CDH23: variants seen among roughly 807,000 people sequenced by gnomAD.
CDH23 encodes cadherin-23.
CDH23 carries 189 observed loss-of-function variants against 317.1 expected under a neutral mutation model. The ratio of observed to expected loss-of-function variants is 0.60; its 90% CI spans 0.53 to 0.67. The LOEUF (loss-of-function observed/expected upper bound fraction) is 0.67. Among genes scored for constraint, CDH23 ranks in the 30% least tolerant of loss-of-function variants. The probability of loss-of-function intolerance (pLI) is 0.00; values close to 1 mark genes in which losing one functional copy is unlikely to be tolerated. For synonymous variants in CDH23, 1,839 were observed against 1,876.8 expected (o/e 0.98, Z 0.52); for missense variants, 4,401 against 4,592.4 (o/e 0.96, Z 1.20).
chr10:71,740,239 G>A (rs949872382), intron 36 of CDH23, among the ~76,000 whole-genome samples: 1 of 152,240 alleles, frequency 6.6e-6, no homozygotes, highest in Admixed American at 6.5e-5. Flanking sequence ...AATGGCCATG[G>A]CTGGGATGTT....
intron 9 of CDH23, among the ~76,000 whole-genome samples, chr10:71,603,948 C>T (rs530397255): frequency 2.0e-5 from 3 of 152,328 alleles, no homozygotes; most frequent in African/African-American, 7.2e-5. Flanking sequence ...CAGGCAGAAG[C>T]ACGCATCTTC....
At chr10:71,441,583 G>T (rs1044986499) in intron 2 of CDH23, among the ~76,000 whole-genome samples, 1 of 152,102 alleles carries the variant, frequency 6.6e-6, no homozygotes, top group Admixed American at 6.6e-5. Flanking sequence ...GCTGGACATG[G>T]TGGTGGCGCA....
intron 6 of CDH23, among the ~76,000 whole-genome samples, chr10:71,552,524 G>GA (rs1000219335): frequency 6.6e-6 from 1 of 151,910 alleles, no homozygotes; most frequent in East Asian, 1.9e-4. Context: ...GTGAGGCTCA[G>GA]AAAAAAAACA....
chr10:71,523,588 GCAGCCGGGGGGA>G (rs1376584819), intron 6 of CDH23, among the ~76,000 whole-genome samples: 6 of 152,236 alleles, frequency 3.9e-5, no homozygotes, highest in African/African-American at 1.4e-4. Flanking sequence ...GTCGGAGCCA[GCAGCCGGGGGGA>G]AATAAATAAA....
rs79963579 is a variant in CDH23 at position 71,741,212 on chromosome 10, G to A, written c.4617+262G>A. 3.2e-3 allele frequency among the ~76,000 whole-genome samples: 490 copies of A among 152,282 alleles called. 6 individuals carry two copies. The highest frequency in any genetic ancestry group is 0.011 in the African/African-American group (466 of 41,556). On this transcript the variant is annotated intron_variant, in intron 37 of 69. Transcript: ENST00000224721. Reference sequence around the variant, plus strand: ...CAGACAGGAAACTGAGGTTTACCCCGGGAGCTTGCTTTTTTAAAAAATGTA... The same window carrying A: ...CAGACAGGAAACTGAGGTTTACCCCAGGAGCTTGCTTTTTTAAAAAATGTA...
At chr10:71,736,731 C>T (rs961749109) in intron 34 of CDH23, among the ~76,000 whole-genome samples, 4 of 152,216 alleles carry the variant, frequency 2.6e-5, no homozygotes, top group African/African-American at 7.2e-5. Context: ...GTGTCCCAGG[C>T]ACTAGGCTGG....
chr10:71,679,626 G>A (rs1348904844), intron 17 of CDH23, 134 bp downstream of exon 17: 11 of 708,670 alleles, frequency 1.6e-5, no homozygotes, highest in South Asian at 5.1e-5. Flanking sequence ...GAAGCTGCCC[G>A]GAGCACCTGG....
intron 11 of CDH23, chr10:71,635,299 T>C (rs930149338): frequency 2.6e-5 from 4 of 152,490 alleles, no homozygotes; most frequent in African/African-American, 9.7e-5. Context: ...CACGTGCAGG[T>C]GAGGAGGACC....
chr10:71,595,108 A>G (rs1467568258), intron 9 of CDH23, among the ~76,000 whole-genome samples: 1 of 152,130 alleles, frequency 6.6e-6, no homozygotes, highest in African/African-American at 2.4e-5. Context: ...CAAAATACCT[A>G]CTTCGATGAG....
chr10:71,774,051 GCACACACACACACACACA>G lies in CDH23; in HGVS notation c.4846-3608_4846-3591del, dbSNP rs57159718. Among the ~76,000 whole-genome samples the G allele has an allele frequency of 5.6e-4, 50 of 88,556 alleles. No homozygotes were observed. In the South Asian group the frequency reaches 0.018, roughly 32 times the overall value. 58.1% of individuals were successfully genotyped at this position (88,556 alleles called of 152,430 possible). ...AGGCACCCTGAGTGCATGCGCGCGC[GCACACACACACACACACA>G]CACACACACACACACACACAGAACA... On this transcript the variant is annotated intron_variant, in intron 38 of 69. Coordinates refer to ENST00000224721, the MANE Select transcript of CDH23 (RefSeq NM_022124.6).
Position 71,813,321 on chromosome 10 carries a change from C to T in CDH23, c.9711C>T (p.Ala3237=), listed in dbSNP as rs1047052508. Residue 3237 remains alanine, a synonymous_variant, in exon 69 of 70, where the codon GCC becomes GCT. Coordinates refer to ENST00000224721, the MANE Select transcript of CDH23 (RefSeq NM_022124.6). ...TTGCACAGCGGATGGTGCAAAAAGC[C>T]TCCTCCTGCCACTCCTCCATCTCTG... The part of the protein sequence containing the change: ...KLFAQRMVQK[A]SSCHSSISEL... The T allele has an allele frequency of 1.3e-6, 2 of 1,551,572 alleles. No homozygotes were observed. Among genetic ancestry groups the T allele is most frequent in the African/African-American group, 2.7e-5 (2 of 73,138 alleles).
chr10:71,550,150 C>A (rs1204399020), intron 6 of CDH23, among the ~76,000 whole-genome samples: 1 of 152,160 alleles, frequency 6.6e-6, no homozygotes, highest in Non-Finnish European at 1.5e-5. Flanking sequence ...TCCTCCTTTA[C>A]AATGGGGATA....
chr10:71,804,284 A>G (rs1311672325), intron 55 of CDH23, among the ~76,000 whole-genome samples: 3 of 152,172 alleles, frequency 2.0e-5, no homozygotes, highest in Non-Finnish European at 4.4e-5. Context: ...CTGAGCATCA[A>G]AATAAGAAAT....
At chr10:71,630,373 T>C (rs1201129909) in intron 11 of CDH23, among the ~76,000 whole-genome samples, 1 of 152,090 alleles carries the variant, frequency 6.6e-6, no homozygotes, top group African/African-American at 2.4e-5. Context: ...GGTGGGTGAA[T>C]TGACCCTGAG....
chr10:71,408,138 A>G (rs192497458), intron 1 of CDH23, among the ~76,000 whole-genome samples: 1 of 152,314 alleles, frequency 6.6e-6, no homozygotes, highest in African/African-American at 2.4e-5. Context: ...TGTCTTTGCA[A>G]TGGCTTGATG....
chr10:71,475,067 C>T (rs1851717585), intron 3 of CDH23, among the ~76,000 whole-genome samples: 1 of 152,176 alleles, frequency 6.6e-6, no homozygotes, highest in East Asian at 1.9e-4. Flanking sequence ...GACTATTTGC[C>T]CCTCCAGGCC....
chr10:71,611,499 A>G (rs1860891134), intron 9 of CDH23, among the ~76,000 whole-genome samples: 1 of 152,176 alleles, frequency 6.6e-6, no homozygotes, highest in Non-Finnish European at 1.5e-5. Flanking sequence ...CCATCTTGGT[A>G]AAGCACAGGC....
At chr10:71,469,605 T>A (rs1851411154) in intron 3 of CDH23, among the ~76,000 whole-genome samples, 1 of 123,372 alleles carries the variant, frequency 8.1e-6, no homozygotes, top group South Asian at 2.8e-4. Context: ...AACATTTGTG[T>A]CCCCCCCTTG....
intron 38 of CDH23, among the ~76,000 whole-genome samples, chr10:71,746,128 C>T (rs1564771675): frequency 1.3e-5 from 2 of 152,200 alleles, no homozygotes; most frequent in Non-Finnish European, 2.9e-5. Context: ...TACGGTCTGG[C>T]AGGGGAAGGC....
Sources: allele counts gnomAD v4.1 joint callset (sites outside exome capture counted in the v4.1 genomes callset), GRCh38; gene constraint gnomAD v4.1.1; transcripts MANE v1.5; gene names NCBI Gene and HGNC (gene_info 2026-07-23, HGNC 2026-07-21).